The following SMTNL2 variants were observed in gnomAD, a reference collection of about 807,000 sequenced individuals.
The protein encoded by SMTNL2 is smoothelin like 2.
Under a neutral mutation model 44.1 loss-of-function variants are expected in SMTNL2, and 43 were observed. The ratio of observed to expected loss-of-function variants is 0.98; its 90% CI spans 0.76 to 1.26. The LOEUF (loss-of-function observed/expected upper bound fraction) is 1.26, where lower values mean the gene tolerates loss of function less well. Ranked by LOEUF, SMTNL2 falls within the 50% of genes most tolerant of loss-of-function variation. SMTNL2 has a pLI of 0.00. For synonymous variants in SMTNL2, 317 were observed against 287.6 expected (o/e 1.10, Z -1.03); for missense variants, 646 against 670.2 (o/e 0.96, Z 0.40).
chr17:4,596,415 C>T (rs1909814651), intron 5 of SMTNL2, among the ~76,000 whole-genome samples: 2 of 152,246 alleles, frequency 1.3e-5, no homozygotes, highest in African/African-American at 4.8e-5. Flanking sequence ...GAACTCATCC[C>T]TCCTGGCTAG....
chr17:4,607,047 T>C lies in SMTNL2; in HGVS notation c.1260-314T>C, dbSNP rs1047697417. On this transcript the variant is annotated intron_variant, in intron 7 of 7. Transcript: ENST00000389313. This position sits in a 1 kb window ranked among gnomAD's most constrained non-coding sequence, Gnocchi z 4.7. ...CTGCAATAAGCTAGGATCGTGCCTCTGTACTCATGCCTGGGCAACAGAGCA... is the reference window on the plus strand; with the variant it reads ...CTGCAATAAGCTAGGATCGTGCCTCCGTACTCATGCCTGGGCAACAGAGCA... Among the ~76,000 whole-genome samples, 1 of 152,122 alleles carries C rather than the reference T, an allele frequency of 6.6e-6. No homozygotes were observed. Among genetic ancestry groups the C allele is most frequent in the South Asian group, 2.1e-4 (1 of 4,822 alleles).
chr17:4,597,005 G>A (rs1467816897), intron 6 of SMTNL2, 28 bp downstream of exon 6: 76 of 1,482,488 alleles, frequency 5.1e-5, no homozygotes, highest in Non-Finnish European at 6.8e-5. Context: ...TCCGGCTGCT[G>A]GGACGCCCCA....
At chr17:4,597,459 T>C in intron 7 of SMTNL2, 136 bp downstream of exon 7, 1 of 1,196,482 alleles carries the variant, frequency 8.4e-7, no homozygotes, top group Non-Finnish European at 1.2e-6. Flanking sequence ...GGCCATGTGG[T>C]CTGTGTACCT....
rs1318417860 is a variant in SMTNL2 at position 4,596,964 on chromosome 17, C to T, written c.1094C>T (p.Thr365Met). ...CTGCTCGAGTGGTGCCGCAGCAAGA[C>T]GCTGGGCTACCAGGTGAGCCCCGGC... is the stretch of plus-strand genomic sequence containing the variant. ...QILLEWCRSKTLGYQHVDLQN... is the reference protein window; with the variant it reads ...QILLEWCRSKMLGYQHVDLQN... The change falls in exon 6 of 8, where the codon ACG (threonine) becomes ATG (methionine). Residue 365 changes from threonine (T) to methionine (M), a missense_variant. Coordinates refer to ENST00000389313, the MANE Select transcript of SMTNL2 (RefSeq NM_001114974.2). 48 of 1,513,644 alleles carry T rather than the reference C, an allele frequency of 3.2e-5. 1 individual carries two copies. The highest frequency in any genetic ancestry group is 1.9e-4 in the Middle Eastern group (1 of 5,294). 93.8% of individuals were successfully genotyped at this position (1,513,644 alleles called of 1,614,324 possible).
At chr17:4,605,163 T>G (rs1038460265) in intron 7 of SMTNL2, among the ~76,000 whole-genome samples, 3 of 134,774 alleles carry the variant, frequency 2.2e-5, no homozygotes, top group South Asian at 2.6e-4. Flanking sequence ...GTTTTTTTTT[T>G]TTTTTTTTTT....
chr17:4,590,731 G>A (rs560799005), intron 1 of SMTNL2, among the ~76,000 whole-genome samples: 1 of 152,188 alleles, frequency 6.6e-6, no homozygotes, highest in East Asian at 1.9e-4. Flanking sequence ...GGCCCTCCCA[G>A]TGCCCCATCT....
chr17:4,592,630 G>A lies in SMTNL2; in HGVS notation c.487+182G>A, dbSNP rs573651328. ...TCAGTAGAACTTGTGAAACACAGAG[G>A]GAAGTTGGGAGATCTCAGGAGGTAG... is the stretch of plus-strand genomic sequence containing the variant. On this transcript the variant is annotated intron_variant, in intron 2 of 7. Transcript: ENST00000389313. This position sits in a 1 kb window ranked among gnomAD's most constrained non-coding sequence, Gnocchi z 4.5. 4.6e-5 allele frequency among the ~76,000 whole-genome samples: 7 copies of A among 152,296 alleles called. No individual in the cohort carries two copies. In the South Asian group the frequency reaches 1.5e-3, roughly 32 times the overall value.
At position 4,595,303 on chromosome 17, in the gene SMTNL2, GGGAGCAGGAAACGGCGGCCGGCAA is replaced by G. The variant is rs751019209; in HGVS notation, c.967_989+1del. 1.2e-6 allele frequency: 2 copies of G among 1,612,898 alleles called. No homozygotes were observed. The highest frequency in any genetic ancestry group is 3.3e-5 in the Admixed American group (2 of 60,010). ...GCCCGGAAAGCATTGTTTGAGAAGTGGGAGCAGGAAACGGCGGCCGGCAAGTACGGATGCCCACTCACAGACAGG... is the reference window on the plus strand; with the variant it reads ...GCCCGGAAAGCATTGTTTGAGAAGTGGTACGGATGCCCACTCACAGACAGG... On this transcript the variant is annotated inframe_deletion and splice_region_variant, in exon 5 of 8. Coordinates refer to ENST00000389313, the MANE Select transcript of SMTNL2 (RefSeq NM_001114974.2). The surrounding 1 kb of genome is among the most constrained non-coding windows in gnomAD (Gnocchi z 5.1).
chr17:4,597,035 G>A (rs1166638509), intron 6 of SMTNL2, 58 bp downstream of exon 6: 33 of 1,479,340 alleles, frequency 2.2e-5, no homozygotes, highest in Admixed American at 6.9e-5. Flanking sequence ...TTGACCAAGC[G>A]TCGCCCCTGT....
At chr17:4,590,266 C>T (rs1226038393) in intron 1 of SMTNL2, among the ~76,000 whole-genome samples, 2 of 151,952 alleles carry the variant, frequency 1.3e-5, no homozygotes, top group African/African-American at 2.4e-5. Flanking sequence ...CGCGCCTGGC[C>T]CCGTGCCTGG....
rs1288640884 is a variant in SMTNL2, at chr17:4,595,945, G to T, written c.989+618G>T. 6.6e-6 allele frequency among the ~76,000 whole-genome samples: 1 copy of T among 151,350 alleles called. No individual in the cohort carries two copies. Among genetic ancestry groups the T allele is most frequent in the Non-Finnish European group, 1.5e-5 (1 of 67,836 alleles). On this transcript the variant is annotated intron_variant, in intron 5 of 7. Coordinates refer to ENST00000389313, the MANE Select transcript of SMTNL2 (RefSeq NM_001114974.2). The surrounding 1 kb of genome is among the most constrained non-coding windows in gnomAD (Gnocchi z 5.1). ...TGATGTCTGCTGTGTGCAGGGTGTGGCCCAAGCGTGGTATTGATGTCTGCT... is the reference window on the plus strand; with the variant it reads ...TGATGTCTGCTGTGTGCAGGGTGTGTCCCAAGCGTGGTATTGATGTCTGCT...
At position 4,607,622 on chromosome 17, in the gene SMTNL2, G is replaced by T; in HGVS notation, c.*135G>T. ...GCTGTTTGTTCTGTGGCATGTGACGGCACTCCCCTTCGAGCCCAGCTGTGT... is the reference window on the plus strand; with the variant it reads ...GCTGTTTGTTCTGTGGCATGTGACGTCACTCCCCTTCGAGCCCAGCTGTGT... On this transcript the variant is annotated 3_prime_UTR_variant, in exon 8 of 8. Coordinates refer to ENST00000389313, the MANE Select transcript of SMTNL2 (RefSeq NM_001114974.2). The surrounding 1 kb of genome is among the most constrained non-coding windows in gnomAD (Gnocchi z 4.7). 1 of 1,381,542 alleles carries T rather than the reference G, an allele frequency of 7.2e-7. No homozygotes were observed. Among genetic ancestry groups the T allele is most frequent in the Non-Finnish European group, 9.8e-7 (1 of 1,021,626 alleles). The allele number at this position is 1,381,542 out of a possible 1,614,324, so 85.6% of individuals were successfully genotyped here.
At chr17:4,599,832 G>A (rs1909954879) in intron 7 of SMTNL2, among the ~76,000 whole-genome samples, 1 of 152,216 alleles carries the variant, frequency 6.6e-6, no homozygotes, top group African/African-American at 2.4e-5. Flanking sequence ...GGGTGATGGG[G>A]AGGCAGCGGC....
rs1909861698 is a variant in SMTNL2 at position 4,597,321 on chromosome 17, C to T, written c.1257C>T (p.Ala419=). 5.0e-6 allele frequency: 8 copies of T among 1,613,710 alleles called. No homozygotes were observed. Among genetic ancestry groups the T allele is most frequent in the Middle Eastern group, 1.7e-4 (1 of 6,060 alleles). Residue 419 remains alanine (A), a splice_region_variant and synonymous_variant, in exon 7 of 8, where the codon GCC becomes GCT. Transcript: ENST00000389313. ...QKNFELAFTM[A]ENLANCERLI... is the part of the protein sequence containing the mutation. Reference sequence around the variant, plus strand: ...ACTTCGAGCTGGCTTTCACCATGGCCGAGTGAGTATGGTGGCTCCTGCTGG... The same window carrying T: ...ACTTCGAGCTGGCTTTCACCATGGCTGAGTGAGTATGGTGGCTCCTGCTGG...
chr17:4,592,225 T>G lies in SMTNL2; in HGVS notation c.400-136T>G. ...TTGCTGTGTGACTTGGCCCGTCACT[T>G]TCTTCCTGGGGGCTGTTTTCTCTCA... On this transcript the variant is annotated intron_variant, in intron 1 of 7. Coordinates refer to ENST00000389313, the MANE Select transcript of SMTNL2 (RefSeq NM_001114974.2). This position sits in a 1 kb window ranked among gnomAD's most constrained non-coding sequence, Gnocchi z 4.5. The G allele has an allele frequency of 3.6e-6, 3 of 826,860 alleles. No homozygotes were observed. The allele number at this position is 826,860 out of a possible 1,614,324, so 51.2% of individuals were successfully genotyped here.
rs1462097645 is a variant in SMTNL2 at position 4,592,153 on chromosome 17, C to T, written c.400-208C>T. Among the ~76,000 whole-genome samples, 1 of 152,226 alleles carries T rather than the reference C, an allele frequency of 6.6e-6. No individual in the cohort carries two copies. The highest frequency in any genetic ancestry group is 2.4e-5 in the African/African-American group (1 of 41,464). On this transcript the variant is annotated intron_variant, in intron 1 of 7. Transcript: ENST00000389313. The surrounding 1 kb of genome is among the most constrained non-coding windows in gnomAD (Gnocchi z 4.5). ...AGGAGCCCAGTGGAGGTGTTTGCCT[C>T]CCAGGATCGCAGGGGCTCAGCAGTT...
intron 3 of SMTNL2, among the ~76,000 whole-genome samples, 165 bp downstream of exon 3, chr17:4,593,336 G>T (rs891929567): frequency 6.6e-6 from 1 of 152,198 alleles, no homozygotes; most frequent in East Asian, 1.9e-4. Flanking sequence ...CCATCCTCCC[G>T]GGCTACTGCC....
chr17:4,593,700 G>A (rs1909678214), intron 3 of SMTNL2, 122 bp from the exon 4 acceptor site: 2 of 947,464 alleles, frequency 2.1e-6, no homozygotes, highest in Non-Finnish European at 3.2e-6. Flanking sequence ...TAGCCCAGAA[G>A]GTTAGCTCAT....
At chr17:4,597,911 G>T (rs1039121084) in intron 7 of SMTNL2, among the ~76,000 whole-genome samples, 3 of 152,216 alleles carry the variant, frequency 2.0e-5, no homozygotes, top group Non-Finnish European at 4.4e-5. Flanking sequence ...TCGGGATTTG[G>T]TTTTTGGCCG....
Sources: allele counts gnomAD v4.1 joint callset (sites outside exome capture counted in the v4.1 genomes callset), GRCh38; gene constraint gnomAD v4.1.1; non-coding constraint Gnocchi (gnomAD v3.1); transcripts MANE v1.5; gene names NCBI Gene and HGNC (gene_info 2026-07-23, HGNC 2026-07-21).